NSUN6: variants seen among roughly 807,000 people sequenced by gnomAD.
NSUN6 encodes tRNA (cytosine(72)-C(5))-methyltransferase NSUN6.
In NSUN6, 64 loss-of-function variants were observed where a neutral mutation model predicts 58.0. The ratio of observed to expected loss-of-function variants is 1.10; its 90% confidence interval spans 0.90 to 1.36. The LOEUF (loss-of-function observed/expected upper bound fraction) is 1.36. Among genes scored for constraint, NSUN6 ranks in the 40% most tolerant of loss-of-function variants. The pLI is 0.00. For missense variants in NSUN6, 701 were observed against 550.1 expected (o/e 1.27, Z -2.74); for synonymous variants, 231 against 193.9 (o/e 1.19, Z -1.59).
upstream of NSUN6, among the ~76,000 whole-genome samples, chr10:18,657,609 A>ATTTTAT (rs201907015): frequency 1.3e-5 from 2 of 151,546 alleles, no homozygotes; most frequent in African/African-American, 2.4e-5. Flanking sequence ...CATTTTCTTT[A>ATTTTAT]TTTTATTTTT....
chr10:18,568,816 T>C (rs917363804), intron 8 of NSUN6, among the ~76,000 whole-genome samples: 1 of 148,412 alleles, frequency 6.7e-6, no homozygotes, highest in African/African-American at 2.5e-5. Flanking sequence ...TCCATTCCGT[T>C]CTCCATTCCA....
At chr10:18,623,265 T>C (rs1480833771) in intron 3 of NSUN6, among the ~76,000 whole-genome samples, 1 of 152,086 alleles carries the variant, frequency 6.6e-6, no homozygotes, top group Non-Finnish European at 1.5e-5. Flanking sequence ...GCATTTATAA[T>C]GAAAATAACT....
chr10:18,635,947 T>C (rs1160437417), intron 3 of NSUN6, among the ~76,000 whole-genome samples: 1 of 150,460 alleles, frequency 6.6e-6, no homozygotes, highest in Non-Finnish European at 1.5e-5. Context: ...TAAGTAAGAA[T>C]TCCACAGATC....
At position 18,644,501 on chromosome 10, in the gene NSUN6, C is replaced by CTTT. The variant is rs35934175; in HGVS notation, c.232-1949_232-1947dup. 2.1e-3 allele frequency among the ~76,000 whole-genome samples: 306 copies of CTTT among 146,454 alleles called. 1 individual carries two copies. The highest frequency in any genetic ancestry group is 5.8e-3 in the African/African-American group (230 of 39,842). On this transcript the variant is annotated intron_variant, in intron 2 of 10. Transcript: ENST00000377304. ...TTTTTTTCACTGTATTAAGGTATGT[C>CTTT]TTTTTTTTTTTTACTGTTAAGTGCT... is the stretch of plus-strand genomic sequence containing the variant.
intron 3 of NSUN6, among the ~76,000 whole-genome samples, chr10:18,630,882 A>T (rs1270633972): frequency 1.3e-5 from 2 of 152,104 alleles, no homozygotes; most frequent in African/African-American, 4.8e-5. Flanking sequence ...AAAAAGAGGG[A>T]ATCCTCCCTA....
intron 5 of NSUN6, among the ~76,000 whole-genome samples, chr10:18,611,846 C>T (rs61840847): frequency 0.21 from 31,472 of 151,996 alleles, 4,006 homozygotes; most frequent in Middle Eastern, 0.35. Flanking sequence ...CCTGGAATAA[C>T]GGGTATGAGC....
chr10:18,580,619 G>C (rs907786253), intron 8 of NSUN6, among the ~76,000 whole-genome samples: 5 of 152,154 alleles, frequency 3.3e-5, no homozygotes, highest in Non-Finnish European at 5.9e-5. Context: ...GCCAAGTGAA[G>C]AGGTTCCATC....
At chr10:18,610,358 G>A (rs2058189551) in intron 5 of NSUN6, among the ~76,000 whole-genome samples, 1 of 152,010 alleles carries the variant, frequency 6.6e-6, no homozygotes, top group African/African-American at 2.4e-5. Context: ...CAAAAAAAAA[G>A]AACTCTTTTT....
chr10:18,577,757 G>A (rs192036264), intron 8 of NSUN6, among the ~76,000 whole-genome samples: 11 of 152,004 alleles, frequency 7.2e-5, no homozygotes, highest in African/African-American at 1.5e-4. Context: ...AACCTTTATC[G>A]ATCACCTGCT....
intron 6 of NSUN6, among the ~76,000 whole-genome samples, chr10:18,596,840 A>C (rs1245189534): frequency 6.6e-6 from 1 of 152,164 alleles, no homozygotes; most frequent in Non-Finnish European, 1.5e-5. Flanking sequence ...AGCATTGTTC[A>C]CTTTAATAAT....
At position 18,583,411 on chromosome 10, in the gene NSUN6, C is replaced by T. The variant is rs914236401; in HGVS notation, c.922+2538G>A. ...CTGCTTGGTGGTCTCTTCACACAGA[C>T]GCGGTTGACAGTATTACCTAAAATG... On this transcript the variant is annotated intron_variant, in intron 8 of 10. Transcript: ENST00000377304. Among the ~76,000 whole-genome samples, 23 of 152,070 alleles carry T rather than the reference C, an allele frequency of 1.5e-4. 1 individual carries two copies. Among genetic ancestry groups the T allele is most frequent in the South Asian group, 2.1e-4 (1 of 4,820 alleles).
chr10:18,629,113 G>C (rs1299421071), intron 3 of NSUN6, among the ~76,000 whole-genome samples: 2 of 152,120 alleles, frequency 1.3e-5, no homozygotes, highest in African/African-American at 4.8e-5. Context: ...CATTCTTAAA[G>C]AAAAGAATTT....
chr10:18,617,258 G>T (rs1385701901), intron 3 of NSUN6, among the ~76,000 whole-genome samples: 1 of 149,748 alleles, frequency 6.7e-6, no homozygotes, highest in Non-Finnish European at 1.5e-5. Flanking sequence ...CGCAATCTTG[G>T]CTCACTGCAA....
chr10:18,599,073 T>C (rs573891156), intron 6 of NSUN6, among the ~76,000 whole-genome samples: 2 of 152,368 alleles, frequency 1.3e-5, no homozygotes, highest in South Asian at 4.1e-4. Context: ...AGTCTTGCTC[T>C]GTCACACAGG....
chr10:18,651,908 G>A, upstream of NSUN6: 1 of 985,400 alleles, frequency 1.0e-6, no homozygotes. Flanking sequence ...TTGCTGGACT[G>A]AAAAAAGGCA....
chr10:18,591,736 T>A (rs1408718027), intron 7 of NSUN6, among the ~76,000 whole-genome samples: 1 of 152,106 alleles, frequency 6.6e-6, no homozygotes, highest in Non-Finnish European at 1.5e-5. Context: ...TGAGAGCTAT[T>A]TGTGACAAAC....
chr10:18,633,900 G>A (rs2059123685), intron 3 of NSUN6, among the ~76,000 whole-genome samples: 1 of 152,160 alleles, frequency 6.6e-6, no homozygotes, highest in African/African-American at 2.4e-5. Context: ...GGTATGAGCT[G>A]AAGCCTTCAC....
intron 2 of NSUN6, among the ~76,000 whole-genome samples, chr10:18,643,269 T>A (rs545299941): frequency 6.6e-6 from 1 of 151,060 alleles, no homozygotes; most frequent in Non-Finnish European, 1.5e-5. Context: ...CAGAAGACAA[T>A]TGGACACCCT....
In NSUN6 at chr10:18,585,850, C is replaced by T. The variant is rs2057110027; in HGVS notation, c.922+99G>A. On this transcript the variant is annotated intron_variant, in intron 8 of 10. Transcript: ENST00000377304. ...TGTTAATTAGCTTGTTTTAATCATTCCACATTGTATACAAAATTATATACA... is the reference window on the plus strand; with the variant it reads ...TGTTAATTAGCTTGTTTTAATCATTTCACATTGTATACAAAATTATATACA... The T allele has an allele frequency of 1.0e-5, 9 of 870,448 alleles. 1 individual carries two copies. The South Asian group carries it at 1.4e-4, about 14-fold the overall frequency. The allele number at this position is 870,448 out of a possible 1,614,324, so 53.9% of individuals were successfully genotyped here.
Sources: allele counts gnomAD v4.1 joint callset (sites outside exome capture counted in the v4.1 genomes callset), GRCh38; gene constraint gnomAD v4.1.1; transcripts MANE v1.5; gene names NCBI Gene and HGNC (gene_info 2026-07-23, HGNC 2026-07-21).